The following IL1RAP variants were observed in gnomAD, a reference collection of about 807,000 sequenced individuals.
The protein encoded by IL1RAP is interleukin-1 receptor accessory protein.
A neutral mutation model predicts 60.7 loss-of-function variants in IL1RAP; 35 were observed. The ratio of observed to expected loss-of-function variants is 0.58; its 90% CI spans 0.44 to 0.76. The LOEUF is 0.76. IL1RAP is among the 30% of genes least tolerant of loss of function. The pLI is 0.00. For missense variants in IL1RAP, 572 were observed against 693.9 expected (o/e 0.82, Z 1.97); for synonymous variants, 268 against 250.9 (o/e 1.07, Z -0.64).
At chr3:190,533,834 C>T (rs927029162) in intron 1 of IL1RAP, among the ~76,000 whole-genome samples, 5 of 152,172 alleles carry the variant, frequency 3.3e-5, no homozygotes, top group Non-Finnish European at 5.9e-5. Context: ...CAAGCATCCC[C>T]TGAAAAATAC....
At chr3:190,560,719 T>G (rs1218650401) in intron 2 of IL1RAP, among the ~76,000 whole-genome samples, 1 of 152,262 alleles carries the variant, frequency 6.6e-6, no homozygotes, top group East Asian at 1.9e-4. Flanking sequence ...GAGAATTCAG[T>G]GGTCAGAGTG....
Position 190,649,598 on chromosome 3 carries a change from T to G in IL1RAP, c.*893T>G. On this transcript the variant is annotated 3_prime_UTR_variant, in exon 12 of 12. Coordinates refer to ENST00000447382, the MANE Select transcript of IL1RAP (RefSeq NM_002182.4). ...TGAAAAGAGCACAGAAAAGGATGTT[T>G]GGCAATTTGTCTTTTAAGTCTTAAC... 1.0e-6 allele frequency: 1 copy of G among 985,854 alleles called. No individual in the cohort carries two copies. Among genetic ancestry groups the G allele is most frequent in the South Asian group, 4.7e-5 (1 of 21,282 alleles). The allele number at this position is 985,854 out of a possible 1,614,324, so 61.1% of individuals were successfully genotyped here.
chr3:190,634,137 T>A (rs2108830791), intron 9 of IL1RAP, among the ~76,000 whole-genome samples: 1 of 152,348 alleles, frequency 6.6e-6, no homozygotes, highest in Admixed American at 6.5e-5. Flanking sequence ...TCTGTCAGTG[T>A]GATGATTTAT....
chr3:190,607,241 A>G (rs929257461), intron 4 of IL1RAP, among the ~76,000 whole-genome samples: 1 of 152,202 alleles, frequency 6.6e-6, no homozygotes, highest in Non-Finnish European at 1.5e-5. Context: ...TATTTAGACA[A>G]AAATCACAGA....
chr3:190,610,831 G>A (rs1730759283), intron 5 of IL1RAP, among the ~76,000 whole-genome samples: 1 of 152,180 alleles, frequency 6.6e-6, no homozygotes, highest in Non-Finnish European at 1.5e-5. Context: ...TCAACTTGAA[G>A]AGTCTTCTGT....
In IL1RAP at chr3:190,634,707, G is replaced by GTTTTTTTTTTTTTT. The variant is rs1167445179; in HGVS notation, c.1051+5220_1051+5221insTTTTTTTTTTTTTT. Among the ~76,000 whole-genome samples, 15 of 134,694 alleles carry GTTTTTTTTTTTTTT rather than the reference G, an allele frequency of 1.1e-4. 1 individual carries two copies. The highest frequency in any genetic ancestry group is 3.6e-4 in the African/African-American group (12 of 33,684). 88.4% of individuals were successfully genotyped at this position (134,694 alleles called of 152,430 possible). A position where few individuals can be genotyped will look rare whatever the true frequency, so the allele number is the denominator to read the frequency against. ...TCATATAACTATCTGGGCCTGTTGTGTTTTTTTTTTTGTTGTTGTTTTTTT... is the reference window on the plus strand; with the variant it reads ...TCATATAACTATCTGGGCCTGTTGTGTTTTTTTTTTTTTTTTTTTTTTTTTGTTGTTGTTTTTTT... On this transcript the variant is annotated intron_variant, in intron 9 of 11. Coordinates refer to ENST00000447382, the MANE Select transcript of IL1RAP (RefSeq NM_002182.4).
rs145987111 is a variant in IL1RAP at position 190,629,363 on chromosome 3, A to C, written c.916A>C (p.Arg306=). The C allele has an allele frequency of 6.2e-4, 1,000 of 1,608,220 alleles. 2 individuals carry two copies. The highest frequency in any genetic ancestry group is 1.2e-3 in the South Asian group (113 of 90,544). ...VTINESISHS[R]TEDETRTQIL... ...CTCTATTTCTAGTATAAGTCATAGT[A>C]GAACAGAAGATGAAACAAGAACTCA... The change falls in exon 9 of 12, where the codon AGA becomes CGA. Residue 306 remains arginine (R), a synonymous_variant. Coordinates refer to ENST00000447382, the MANE Select transcript of IL1RAP (RefSeq NM_002182.4).
chr3:190,602,444 C>G (rs1194607892), intron 3 of IL1RAP, among the ~76,000 whole-genome samples: 1 of 151,968 alleles, frequency 6.6e-6, no homozygotes, highest in Non-Finnish European at 1.5e-5. Flanking sequence ...TTTCAAAAAT[C>G]TTTTAACACT....
chr3:190,627,187 T>G (rs1172307276), intron 7 of IL1RAP, 136 bp from the exon 8 acceptor site: 28 of 682,094 alleles, frequency 4.1e-5, no homozygotes. Flanking sequence ...AGCTTCTGAT[T>G]AGCCAGAGAG....
intron 9 of IL1RAP, among the ~76,000 whole-genome samples, chr3:190,634,996 T>G (rs1473137940): frequency 6.6e-6 from 1 of 152,188 alleles, no homozygotes; most frequent in East Asian, 1.9e-4. Context: ...ATTACAGGCG[T>G]GAGCCACCGT....
In IL1RAP at chr3:190,575,638, G is replaced by A. The variant is rs895050672; in HGVS notation, c.64+11285G>A. On this transcript the variant is annotated intron_variant, in intron 3 of 11. Coordinates refer to ENST00000447382, the MANE Select transcript of IL1RAP (RefSeq NM_002182.4). Reference sequence around the variant, plus strand: ...GGGGAAAGAAACATGCGACGAAGAGGAAGCCGTGGTCAGAGTGCAGCACAT... The same window carrying A: ...GGGGAAAGAAACATGCGACGAAGAGAAAGCCGTGGTCAGAGTGCAGCACAT... Among the ~76,000 whole-genome samples the A allele has an allele frequency of 9.8e-5, 15 of 152,308 alleles. 1 individual carries two copies. Among genetic ancestry groups the A allele is most frequent in the Admixed American group, 7.8e-4 (12 of 15,300 alleles).
chr3:190,600,357 G>A (rs1045872118), intron 3 of IL1RAP, among the ~76,000 whole-genome samples: 1 of 152,154 alleles, frequency 6.6e-6, no homozygotes. Context: ...CTAGAAGAGT[G>A]GGCTTGGAAC....
chr3:190,521,320 C>G (rs1721999256), intron 1 of IL1RAP, among the ~76,000 whole-genome samples: 1 of 150,910 alleles, frequency 6.6e-6, no homozygotes, highest in Admixed American at 6.6e-5. Context: ...TGCAATAATT[C>G]TGAGGTAATC....
At chr3:190,659,678 T>C (rs1734722599) in exon 12 of IL1RAP, 1 of 152,220 alleles carries the variant, frequency 6.6e-6, no homozygotes, top group Admixed American at 6.5e-5. Context: ...ACTTCTCTCC[T>C]ATCTGTTTGA....
Position 190,649,609 on chromosome 3 carries a change from C to G in IL1RAP, c.*904C>G. On this transcript the variant is annotated 3_prime_UTR_variant, in exon 12 of 12. Transcript: ENST00000447382. Reference sequence around the variant, plus strand: ...CAGAAAAGGATGTTTGGCAATTTGTCTTTTAAGTCTTAACCTTGCTAATGT... The same window carrying G: ...CAGAAAAGGATGTTTGGCAATTTGTGTTTTAAGTCTTAACCTTGCTAATGT... The G allele has an allele frequency of 1.0e-6, 1 of 985,818 alleles. No homozygotes were observed. The highest frequency in any genetic ancestry group is 1.2e-6 in the Non-Finnish European group (1 of 829,922). 61.1% of individuals were successfully genotyped at this position (985,818 alleles called of 1,614,324 possible). A position where few individuals can be genotyped will look rare whatever the true frequency, so the allele number is the denominator to read the frequency against.
chr3:190,636,562 G>A (rs569237675), intron 9 of IL1RAP, among the ~76,000 whole-genome samples: 17 of 151,612 alleles, frequency 1.1e-4, no homozygotes, highest in South Asian at 4.2e-4. Flanking sequence ...TTGGTAGAGG[G>A]ACGGAGTCTT....
intron 3 of IL1RAP, among the ~76,000 whole-genome samples, chr3:190,601,228 G>GC (rs1467532388): frequency 6.6e-6 from 1 of 152,028 alleles, no homozygotes; most frequent in Non-Finnish European, 1.5e-5. Context: ...CAGGTGATCC[G>GC]CCCCCTCGGC....
At chr3:190,572,855 C>CTTTTTTT (rs1337681913) in intron 3 of IL1RAP, among the ~76,000 whole-genome samples, 138 of 57,514 alleles carry the variant, frequency 2.4e-3, no homozygotes, top group East Asian at 7.0e-3. Flanking sequence ...AGGGTTAATG[C>CTTTTTTT]TTTGTTTTTT....
intron 3 of IL1RAP, among the ~76,000 whole-genome samples, chr3:190,570,774 C>T (rs1035313306): frequency 2.7e-4 from 41 of 152,118 alleles, no homozygotes; most frequent in African/African-American, 2.2e-4. Flanking sequence ...CCATGTTGGT[C>T]GGGTTGGTCT....
Sources: allele counts gnomAD v4.1 joint callset (sites outside exome capture counted in the v4.1 genomes callset), GRCh38; gene constraint gnomAD v4.1.1; transcripts MANE v1.5; gene names NCBI Gene and HGNC (gene_info 2026-07-23, HGNC 2026-07-21).